ANO4: variants seen among roughly 807,000 people sequenced by gnomAD.
The protein encoded by ANO4 is anoctamin-4.
A neutral mutation model predicts 141.9 loss-of-function variants in ANO4; 69 were observed. That is an observed-to-expected ratio of 0.49 (90% CI 0.40 to 0.59). The LOEUF is 0.59. ANO4 is among the 20% of genes least tolerant of loss of function. The pLI, the probability that ANO4 is intolerant of heterozygous loss-of-function variation, is 0.00. For synonymous variants in ANO4, 350 were observed against 394.3 expected, an observed-to-expected ratio of 0.89 and a Z score of 1.33; for missense variants, 894 against 1,162.2, an observed-to-expected ratio of 0.77 and a Z score of 3.36.
At chr12:100,888,909 T>C (rs1006047165) in intron 1 of ANO4, among the ~76,000 whole-genome samples, 6 of 152,082 alleles carry the variant, frequency 3.9e-5, no homozygotes, top group African/African-American at 1.4e-4. Context: ...CTTCAAGTTT[T>C]AGGGTACATG....
At chr12:100,971,879 T>C (rs1016015989) in intron 6 of ANO4, among the ~76,000 whole-genome samples, 2 of 152,064 alleles carry the variant, frequency 1.3e-5, no homozygotes, top group African/African-American at 4.8e-5. Context: ...AAAAAACCAC[T>C]TTTTTTAATT....
chr12:100,946,468 G>T (rs2042725304), intron 5 of ANO4, among the ~76,000 whole-genome samples: 1 of 152,068 alleles, frequency 6.6e-6, no homozygotes, highest in East Asian at 1.9e-4. Flanking sequence ...AAGATGAGAA[G>T]AGTAGAAAGT....
At chr12:100,790,095 G>A (rs2033995825), upstream of ANO4, among the ~76,000 whole-genome samples, 1 of 152,144 alleles carries the variant, frequency 6.6e-6, no homozygotes, top group Admixed American at 6.5e-5. Flanking sequence ...GAGAGAAGCA[G>A]GAAGGCTATT....
At position 100,872,025 on chromosome 12, in the gene ANO4, G is replaced by A. The variant is rs79795660; in HGVS notation, c.-140-29621G>A. 3.2e-3 allele frequency among the ~76,000 whole-genome samples: 485 copies of A among 152,250 alleles called. 6 individuals carry two copies. Among genetic ancestry groups the A allele is most frequent in the African/African-American group, 0.011 (473 of 41,538 alleles). The stretch of plus-strand genomic sequence containing the variant: ...TATGCCATTGCATTTATATATGATT[G>A]CCACTAATAACTCAAATTACTGAAT... On this transcript the variant is annotated intron_variant, in intron 1 of 27. Transcript: ENST00000392977.
At chr12:100,770,088 C>A (rs190167706) in intron 3 of ANO4, among the ~76,000 whole-genome samples, 1 of 152,288 alleles carries the variant, frequency 6.6e-6, no homozygotes, top group African/African-American at 2.4e-5. Flanking sequence ...TTGAATATTG[C>A]GATAGCTATG....
intron 1 of ANO4, among the ~76,000 whole-genome samples, chr12:100,724,474 T>G (rs1332416481): frequency 6.6e-6 from 1 of 152,196 alleles, no homozygotes; most frequent in East Asian, 1.9e-4. Flanking sequence ...TATTACTACT[T>G]CAACTAGTAT....
At chr12:101,017,637 C>G (rs754604385) in intron 8 of ANO4, among the ~76,000 whole-genome samples, 7 of 152,220 alleles carry the variant, frequency 4.6e-5, no homozygotes, top group Non-Finnish European at 8.8e-5. Flanking sequence ...AGCGAGCAAA[C>G]AGAGTCACCA....
chr12:101,037,165 T>G lies in ANO4; in HGVS notation c.897+15T>G. 6.2e-7 allele frequency: 1 copy of G among 1,611,778 alleles called. No individual in the cohort carries two copies. ...CCCTGCATGAGGTATTGTGCTGTCT[T>G]TAATCTTTATCTTTCTTTCAATCGT... On this transcript the variant is annotated intron_variant, in intron 10 of 27. Coordinates refer to ENST00000392977, the MANE Select transcript of ANO4 (RefSeq NM_001286615.2).
chr12:101,030,577 G>A (rs1426920497), intron 9 of ANO4, among the ~76,000 whole-genome samples: 1 of 151,976 alleles, frequency 6.6e-6, no homozygotes, highest in Non-Finnish European at 1.5e-5. Context: ...AGCTAGAGAG[G>A]CAAGAGCAAA....
chr12:101,047,603 T>TATC (rs2047684048), intron 13 of ANO4, among the ~76,000 whole-genome samples: 2 of 152,202 alleles, frequency 1.3e-5, no homozygotes, highest in South Asian at 4.1e-4. Context: ...TTTATGAACC[T>TATC]ATCAGTCATC....
chr12:100,823,239 T>C (rs2036150765), intron 1 of ANO4, among the ~76,000 whole-genome samples: 1 of 152,018 alleles, frequency 6.6e-6, no homozygotes. Context: ...TTTTTTTTTA[T>C]AGTTTAAAAT....
intron 5 of ANO4, among the ~76,000 whole-genome samples, chr12:100,948,350 T>C (rs2136196595): frequency 6.6e-6 from 1 of 152,226 alleles, no homozygotes; most frequent in South Asian, 2.1e-4. Context: ...TGAGTGGTCA[T>C]GGGCAATTTA....
intron 1 of ANO4, among the ~76,000 whole-genome samples, chr12:100,828,103 A>G (rs2036455662): frequency 6.6e-6 from 1 of 152,170 alleles, no homozygotes; most frequent in South Asian, 2.1e-4. Context: ...CTAGACACTC[A>G]TATTCAGAGT....
chr12:100,865,465 G>GA (rs2038706650), intron 1 of ANO4, among the ~76,000 whole-genome samples: 1 of 151,822 alleles, frequency 6.6e-6, no homozygotes, highest in Admixed American at 6.6e-5. Flanking sequence ...AAATTTATGA[G>GA]AAAAAAACAA....
intron 23 of ANO4, 123 bp from the exon 24 acceptor site, chr12:101,111,440 G>A: frequency 1.1e-6 from 1 of 893,016 alleles, no homozygotes; most frequent in Non-Finnish European, 1.6e-6. Flanking sequence ...GGTTGCAACT[G>A]TCAGTATTTG....
chr12:100,732,840 G>A (rs1298304620), intron 1 of ANO4, among the ~76,000 whole-genome samples: 3 of 152,298 alleles, frequency 2.0e-5, no homozygotes, highest in African/African-American at 4.8e-5. Context: ...CCTCGTGCAC[G>A]AAATGTTGTG....
intron 8 of ANO4, among the ~76,000 whole-genome samples, chr12:101,012,680 A>C (rs1186988478): frequency 6.6e-6 from 1 of 152,196 alleles, no homozygotes; most frequent in South Asian, 2.1e-4. Flanking sequence ...CTGGAAAAGC[A>C]TAAGATCTTA....
At chr12:100,971,868 A>T (rs2043951082) in intron 6 of ANO4, among the ~76,000 whole-genome samples, 1 of 152,106 alleles carries the variant, frequency 6.6e-6, no homozygotes, top group Non-Finnish European at 1.5e-5. Context: ...AAAAAAAACA[A>T]AAAAAACCAC....
At chr12:100,960,894 A>G (rs183986762) in intron 5 of ANO4, among the ~76,000 whole-genome samples, 2 of 152,328 alleles carry the variant, frequency 1.3e-5, no homozygotes, top group African/African-American at 4.8e-5. Context: ...TAGGGAAAAC[A>G]TTATGATGGT....
Sources: gnomAD v4.1 joint callset for allele counts (sites outside exome capture counted in the v4.1 genomes callset) on GRCh38, gnomAD v4.1.1 for gene constraint, MANE v1.5 for transcripts, NCBI Gene and HGNC (gene_info 2026-07-23, HGNC 2026-07-21) for gene names.